Variants in HEMK2 observed in about 807,000 individuals in gnomAD.
HEMK2 encodes the protein methyltransferase HEMK2.
At chr21:28,845,512 G>C in the HEMK2 span, among the ~76,000 whole-genome samples, 1 of 152,000 alleles carries the variant, frequency 6.6e-6, no homozygotes, top group Non-Finnish European at 1.5e-5. Flanking sequence ...CACTCACTAG[G>C]TGTGTGTATT....
At chr21:28,593,391 A>T in the HEMK2 span, among the ~76,000 whole-genome samples, 1 of 152,318 alleles carries the variant, frequency 6.6e-6, no homozygotes, top group South Asian at 2.1e-4. Flanking sequence ...AAGATACTCA[A>T]CCTGTATACG....
the HEMK2 span, among the ~76,000 whole-genome samples, chr21:28,577,998 A>G: frequency 6.6e-6 from 1 of 152,170 alleles, no homozygotes; most frequent in Admixed American, 6.5e-5. Flanking sequence ...ATTTTTTCAA[A>G]ACAAATCTGA....
chr21:28,681,464 T>C, the HEMK2 span, among the ~76,000 whole-genome samples: 1 of 151,858 alleles, frequency 6.6e-6, no homozygotes, highest in African/African-American at 2.4e-5. Flanking sequence ...ATCGTGAAAA[T>C]GGCCATACTG....
the HEMK2 span, among the ~76,000 whole-genome samples, chr21:28,733,386 A>G: frequency 1.3e-5 from 2 of 152,232 alleles, no homozygotes; most frequent in Non-Finnish European, 2.9e-5. Flanking sequence ...TTCCTCTTAG[A>G]TAACATTGGC....
At chr21:28,882,321 G>A in the HEMK2 span, 6 of 1,151,156 alleles carry the variant, frequency 5.2e-6, no homozygotes, top group Admixed American at 5.9e-5. Context: ...TAATATCAAG[G>A]TATGTTCCAT....
At chr21:28,792,739 C>T in the HEMK2 span, among the ~76,000 whole-genome samples, 1 of 152,184 alleles carries the variant, frequency 6.6e-6, no homozygotes, top group Admixed American at 6.5e-5. Flanking sequence ...AACTGCTGAG[C>T]TTATCAATAC....
chr21:28,824,890 C>T, the HEMK2 span, among the ~76,000 whole-genome samples: 1 of 152,016 alleles, frequency 6.6e-6, no homozygotes, highest in African/African-American at 2.4e-5. Context: ...AATGGGCTTG[C>T]TCAGTTAGGG....
chr21:28,618,922 T>C, the HEMK2 span, among the ~76,000 whole-genome samples: 2 of 152,174 alleles, frequency 1.3e-5, no homozygotes, highest in African/African-American at 2.4e-5. Context: ...AAAAAATTCA[T>C]GTAAAGTCCA....
chr21:28,671,264 G>A, the HEMK2 span: 3 of 152,228 alleles, frequency 2.0e-5, no homozygotes, highest in African/African-American at 7.2e-5. Flanking sequence ...GAAAGAAAGT[G>A]AGAACAGGCA....
At chr21:28,839,043 C>A in the HEMK2 span, among the ~76,000 whole-genome samples, 1 of 129,308 alleles carries the variant, frequency 7.7e-6, no homozygotes, top group Admixed American at 8.2e-5. Context: ...GGGTTTCATA[C>A]CAGGGATTCA....
At chr21:28,882,343 A>C in the HEMK2 span, 1 of 951,418 alleles carries the variant, frequency 1.1e-6, no homozygotes, top group Non-Finnish European at 1.6e-6. Context: ...AATTCTACAC[A>C]GAACAGATTT....
chr21:28,878,950 T>A, the HEMK2 span, among the ~76,000 whole-genome samples: 1 of 148,110 alleles, frequency 6.8e-6, no homozygotes, highest in East Asian at 1.9e-4. Context: ...AATATATATA[T>A]TTATTATATA....
the HEMK2 span, chr21:28,674,895 T>TCCCA: frequency 6.6e-6 from 1 of 152,152 alleles, no homozygotes; most frequent in Non-Finnish European, 1.5e-5. Flanking sequence ...AGAGCATTAA[T>TCCCA]CCCACCCATG....
the HEMK2 span, among the ~76,000 whole-genome samples, chr21:28,625,790 T>C: frequency 4.6e-5 from 7 of 151,630 alleles, no homozygotes; most frequent in Non-Finnish European, 1.0e-4. Context: ...GGTAGGTAGA[T>C]TAAGGTAGAT....
At chr21:28,697,630 A>C in the HEMK2 span, among the ~76,000 whole-genome samples, 1 of 152,040 alleles carries the variant, frequency 6.6e-6, no homozygotes, top group East Asian at 1.9e-4. Flanking sequence ...TGTTGAAAAG[A>C]AGCTGCCACC....
the HEMK2 span, among the ~76,000 whole-genome samples, chr21:28,835,940 GAA>G: frequency 6.8e-6 from 1 of 147,724 alleles, no homozygotes; most frequent in Non-Finnish European, 1.5e-5. Context: ...CAAAGACAAA[GAA>G]AAAAAAAATG....
chr21:28,632,551 T>G, the HEMK2 span, among the ~76,000 whole-genome samples: 1 of 152,242 alleles, frequency 6.6e-6, no homozygotes, highest in Non-Finnish European at 1.5e-5. Flanking sequence ...ATTCTTCGGT[T>G]TAGTAGAAAG....
chr21:28,756,703 C>T, the HEMK2 span, among the ~76,000 whole-genome samples: 1 of 152,172 alleles, frequency 6.6e-6, no homozygotes, highest in South Asian at 2.1e-4. Context: ...CTTTGTCCTT[C>T]TAGGGTAAAA....
At chr21:28,759,227 C>A in the HEMK2 span, among the ~76,000 whole-genome samples, 1 of 152,162 alleles carries the variant, frequency 6.6e-6, no homozygotes, top group Non-Finnish European at 1.5e-5. Flanking sequence ...GCATGGGAAC[C>A]CACCTCTTGC....
Sources: gnomAD v4.1 joint callset for allele counts (sites outside exome capture counted in the v4.1 genomes callset) on GRCh38, gnomAD v4.1.1 for gene constraint, MANE v1.5 for transcripts, NCBI Gene and HGNC (gene_info 2026-07-23, HGNC 2026-07-21) for gene names.